Variants in SMARCE1 observed in about 807,000 individuals in gnomAD.
SMARCE1 encodes SWI/SNF related BAF chromatin remodeling complex subunit E1, also known as SWI/SNF-related matrix-associated actin-dependent regulator of chromatin subfamily E member 1.
In SMARCE1, 13 loss-of-function variants were observed where a neutral mutation model predicts 54.9. That is an observed-to-expected ratio of 0.24 (90% CI 0.15 to 0.38). The LOEUF is 0.38. SMARCE1 is among the 10% of genes least tolerant of loss of function. The probability of loss-of-function intolerance (pLI) is 1.00; values close to 1 mark genes in which losing one functional copy is unlikely to be tolerated. For synonymous variants in SMARCE1, 151 were observed against 175.3 expected (o/e 0.86, Z 1.10); for missense variants, 295 against 523.8 (o/e 0.56, Z 4.26).
intron 4 of SMARCE1, chr17:40,641,054 T>C (rs1476907427): frequency 2.6e-5 from 4 of 152,194 alleles, no homozygotes; most frequent in Non-Finnish European, 5.9e-5. Flanking sequence ...TCCATTAACA[T>C]AGATAATCAA....
intron 1 of SMARCE1, among the ~76,000 whole-genome samples, chr17:40,647,074 A>G (rs1321881963): frequency 1.4e-5 from 2 of 147,800 alleles, no homozygotes; most frequent in Admixed American, 7.3e-5. Context: ...CTTTAAAATT[A>G]TTGCTCTCTT....
chr17:40,636,302 T>G (rs1597746230), intron 6 of SMARCE1, 93 bp downstream of exon 6: 2 of 1,388,634 alleles, frequency 1.4e-6, no homozygotes, highest in East Asian at 4.6e-5. Context: ...TGCATCAGTG[T>G]TCTGACCAAA....
intron 10 of SMARCE1, chr17:40,629,450 T>TG (rs2037068365): frequency 1.2e-6 from 1 of 865,762 alleles, no homozygotes; most frequent in Admixed American, 4.0e-5. Flanking sequence ...TTATTTCTGT[T>TG]GGACAGTGAA....
chr17:40,628,738 T>C lies in SMARCE1; in HGVS notation c.*47A>G. ...GTAACACCATTAAAACCAAAAAACATTTTTTCATTAAAAAAAGTATTTAGA... is the reference window on the plus strand; with the variant it reads ...GTAACACCATTAAAACCAAAAAACACTTTTTCATTAAAAAAAGTATTTAGA... On this transcript the variant is annotated 3_prime_UTR_variant, in exon 11 of 11. Transcript: ENST00000348513. The C allele has an allele frequency of 2.0e-6, 3 of 1,519,712 alleles. No individual in the cohort carries two copies. Among genetic ancestry groups the C allele is most frequent in the Non-Finnish European group, 2.7e-6 (3 of 1,100,042 alleles). 94.1% of individuals were successfully genotyped at this position (1,519,712 alleles called of 1,614,324 possible).
chr17:40,629,140 C>A (rs968769780), intron 10 of SMARCE1, 147 bp from the exon 11 acceptor site: 14 of 623,402 alleles, frequency 2.2e-5, no homozygotes, highest in Non-Finnish European at 3.3e-5. Flanking sequence ...GACTAAAGAA[C>A]TTTTAAGAAT....
chr17:40,627,062 T>TCTG lies in SMARCE1; in HGVS notation c.*1720_*1722dup, dbSNP rs1212354547. 1.3e-5 allele frequency: 2 copies of TCTG among 152,208 alleles called. No individual in the cohort carries two copies. The highest frequency in any genetic ancestry group is 1.9e-4 in the East Asian group (1 of 5,202). 9.4% of individuals were successfully genotyped at this position (152,208 alleles called of 1,614,324 possible). A position where few individuals can be genotyped will look rare whatever the true frequency, so the allele number is the denominator to read the frequency against. On this transcript the variant is annotated 3_prime_UTR_variant, in exon 11 of 11. Coordinates refer to ENST00000348513, the MANE Select transcript of SMARCE1 (RefSeq NM_003079.5). Reference sequence around the variant, plus strand: ...AGTTTTCCACCCATATTAAACTACATCTGCCCCATTTTGACTACTAGAAAA... The same window carrying TCTG: ...AGTTTTCCACCCATATTAAACTACATCTGCTGCCCCATTTTGACTACTAGAAAA...
At chr17:40,634,611 C>T (rs2037127877) in intron 7 of SMARCE1, 2 of 152,118 alleles carry the variant, frequency 1.3e-5, no homozygotes, top group Non-Finnish European at 2.9e-5. Flanking sequence ...TAATTGCTAC[C>T]TGAATTTACT....
chr17:40,636,177 G>C lies in SMARCE1; in HGVS notation c.370-75C>G, dbSNP rs1597746189. On this transcript the variant is annotated intron_variant, in intron 6 of 10. Transcript: ENST00000348513. ...AATGCAGACCTATGTTATCTCACTT[G>C]AATATCAAAAGATATGATGTAAACA... 8 of 1,295,548 alleles carry C rather than the reference G, an allele frequency of 6.2e-6. No homozygotes were observed. In the East Asian group the frequency reaches 1.9e-4, roughly 30 times the overall value. The allele number at this position is 1,295,548 out of a possible 1,614,324, so 80.3% of individuals were successfully genotyped here.
chr17:40,638,265 G>A (rs2037164383), intron 4 of SMARCE1, among the ~76,000 whole-genome samples: 1 of 152,108 alleles, frequency 6.6e-6, no homozygotes, highest in Admixed American at 6.6e-5. Context: ...CAGGAACAGA[G>A]AAGTGGCAGA....
At chr17:40,629,386 A>G in intron 10 of SMARCE1, 1 of 463,514 alleles carries the variant, frequency 2.2e-6, no homozygotes, top group Non-Finnish European at 3.5e-6. Flanking sequence ...GTTTTGCTTA[A>G]CTTTTAAAAA....
intron 10 of SMARCE1, chr17:40,629,323 A>G: frequency 4.9e-6 from 2 of 412,054 alleles, no homozygotes; most frequent in Non-Finnish European, 8.5e-6. Flanking sequence ...CTGTGTTGAA[A>G]TAATTTTATT....
chr17:40,636,601 G>A, intron 5 of SMARCE1, 75 bp from the exon 6 acceptor site: 1 of 1,214,012 alleles, frequency 8.2e-7, no homozygotes, highest in Non-Finnish European at 1.2e-6. Context: ...TTTTAATGTG[G>A]AAACTTTTCA....
chr17:40,634,204 A>C (rs2037124272), intron 7 of SMARCE1: 1 of 152,158 alleles, frequency 6.6e-6, no homozygotes, highest in Non-Finnish European at 1.5e-5. Context: ...ATCATAGCTC[A>C]CTGCAGCCTT....
In SMARCE1 at chr17:40,627,718, ATT is replaced by A. The variant is rs3033073; in HGVS notation, c.*1065_*1066del. 68,912 of 151,702 alleles carry A rather than the reference ATT, an allele frequency of 0.45. 15,868 individuals carry two copies. The highest frequency in any genetic ancestry group is 0.52 in the Non-Finnish European group (34,871 of 67,706). 9.4% of individuals were successfully genotyped at this position (151,702 alleles called of 1,614,324 possible). Reference sequence around the variant, plus strand: ...TTAAAAACACTGAGACCTTTTTTTCATTTTTTTTTTTATTACATTTGGACCTT... The same window carrying A: ...TTAAAAACACTGAGACCTTTTTTTCATTTTTTTTTATTACATTTGGACCTT... On this transcript the variant is annotated 3_prime_UTR_variant, in exon 11 of 11. Transcript: ENST00000348513.
In SMARCE1 at chr17:40,642,923, G is replaced by C. The variant is rs572912082; in HGVS notation, c.52-364C>G. On this transcript the variant is annotated intron_variant, in intron 3 of 10. Coordinates refer to ENST00000348513, the MANE Select transcript of SMARCE1 (RefSeq NM_003079.5). This position sits in a 1 kb window ranked among gnomAD's most constrained non-coding sequence, Gnocchi z 4.6. The stretch of plus-strand genomic sequence containing the variant: ...AACAACTTAGCAATATATGAAGACT[G>C]AAATAGGAAGGCTTGAAGTGTGATC... The C allele has an allele frequency of 5.6e-6, 1 of 177,720 alleles. No individual in the cohort carries two copies. The highest frequency in any genetic ancestry group is 1.8e-4 in the South Asian group (1 of 5,702). 11.0% of individuals were successfully genotyped at this position (177,720 alleles called of 1,614,324 possible).
At chr17:40,637,368 A>AT (rs1567847545) in intron 5 of SMARCE1, 124 bp downstream of exon 5, 5 of 795,724 alleles carry the variant, frequency 6.3e-6, no homozygotes, top group Admixed American at 5.9e-5. Context: ...TAAAAACCGT[A>AT]TTTTTTTGGA....
rs1597746020 is a variant in SMARCE1 at position 40,635,930 on chromosome 17, C to T, written c.541+1G>A. On this transcript the variant is annotated splice_donor_variant, in intron 7 of 10. Coordinates refer to ENST00000348513, the MANE Select transcript of SMARCE1 (RefSeq NM_003079.5). LOFTEE classifies it high-confidence loss of function. ...ACAAAACCCCACTTTTTTTCTTTTA[C>T]CATCTGGATCTTCAGCAGGCTGAAT... 1 of 1,548,490 alleles carries T rather than the reference C, an allele frequency of 6.5e-7. No individual in the cohort carries two copies. The highest frequency in any genetic ancestry group is 8.7e-7 in the Non-Finnish European group (1 of 1,149,934).
intron 10 of SMARCE1, chr17:40,629,753 CA>C (rs1447187950): frequency 2.1e-4 from 81 of 392,774 alleles, no homozygotes; most frequent in South Asian, 7.1e-4. Flanking sequence ...GCAAAATTAG[CA>C]AAAATCAGTT....
rs1597740955 is a variant in SMARCE1, at chr17:40,628,293, G to A, written c.*492C>T. 6.4e-6 allele frequency: 1 copy of A among 156,248 alleles called. No homozygotes were observed. Among genetic ancestry groups the A allele is most frequent in the Admixed American group, 6.2e-5 (1 of 16,054 alleles). 9.7% of individuals were successfully genotyped at this position (156,248 alleles called of 1,614,324 possible). On this transcript the variant is annotated 3_prime_UTR_variant, in exon 11 of 11. Coordinates refer to ENST00000348513, the MANE Select transcript of SMARCE1 (RefSeq NM_003079.5). ...AACACAACTCTTGGTATCTGACATT[G>A]ATTAAAAGTAAAAAAGGGTAAGTGA...
Sources: allele counts gnomAD v4.1 joint callset (sites outside exome capture counted in the v4.1 genomes callset), GRCh38; gene constraint gnomAD v4.1.1; non-coding constraint Gnocchi (gnomAD v3.1); transcripts MANE v1.5; gene names NCBI Gene and HGNC (gene_info 2026-07-23, HGNC 2026-07-21).